The following PDE12 variants were observed in gnomAD, a reference collection of about 807,000 sequenced individuals.
PDE12 encodes 2',5'-phosphodiesterase 12.
Under a neutral mutation model 45.4 loss-of-function variants are expected in PDE12, and 26 were observed. The ratio of observed to expected loss-of-function variants is 0.57; its 90% CI spans 0.42 to 0.79. The LOEUF is 0.79. Among genes scored for constraint, PDE12 ranks in the 30% least tolerant of loss-of-function variants. The probability of loss-of-function intolerance (pLI) is 0.00; values close to 1 mark genes in which losing one functional copy is unlikely to be tolerated. For missense variants in PDE12, 668 were observed against 790.0 expected, an observed-to-expected ratio of 0.85 and a Z score of 1.85; for synonymous variants, 283 against 323.9, an observed-to-expected ratio of 0.87 and a Z score of 1.36.
the PDE12 span, among the ~76,000 whole-genome samples, chr3:57,613,900 CAAAAA>C: frequency 5.0e-5 from 3 of 59,452 alleles, no homozygotes; most frequent in African/African-American, 2.3e-4. Context: ...GACTCCATCT[CAAAAA>C]AAAAAAAAAA....
At chr3:57,573,432 TGCAAGGCCACTG>T in the PDE12 span, among the ~76,000 whole-genome samples, 1 of 152,182 alleles carries the variant, frequency 6.6e-6, no homozygotes, top group South Asian at 2.1e-4. Context: ...AGTTTAATGT[TGCAAGGCCACTG>T]CAGGTATACC....
the PDE12 span, among the ~76,000 whole-genome samples, chr3:57,601,509 C>G: frequency 3.3e-5 from 5 of 152,164 alleles, no homozygotes; most frequent in Non-Finnish European, 7.3e-5. Flanking sequence ...AGCAGACCCC[C>G]TGTATCTTCA....
chr3:57,614,523 G>A, the PDE12 span, among the ~76,000 whole-genome samples: 16 of 132,048 alleles, frequency 1.2e-4, no homozygotes, highest in South Asian at 3.2e-3. Flanking sequence ...CCTGTAATCC[G>A]TTTTTTTTTT....
chr3:57,648,283 T>C, the PDE12 span, among the ~76,000 whole-genome samples: 4 of 151,960 alleles, frequency 2.6e-5, no homozygotes, highest in African/African-American at 9.7e-5. Flanking sequence ...CTAAGGAATA[T>C]ACTTACTCAA....
the PDE12 span, chr3:57,630,603 C>T: frequency 6.6e-7 from 1 of 1,520,558 alleles, no homozygotes; most frequent in Non-Finnish European, 8.9e-7. Context: ...GTCAGAGAAC[C>T]ATGTCAAACT....
chr3:57,623,274 C>A, the PDE12 span, among the ~76,000 whole-genome samples: 1 of 151,882 alleles, frequency 6.6e-6, no homozygotes, highest in Non-Finnish European at 1.5e-5. Context: ...AACAAACAAA[C>A]AAAAAACTGA....
At chr3:57,647,812 T>G in the PDE12 span, among the ~76,000 whole-genome samples, 2 of 121,900 alleles carry the variant, frequency 1.6e-5, no homozygotes, top group African/African-American at 3.3e-5. Context: ...TGTGGTCTAG[T>G]GGGACAGAGT....
the PDE12 span, among the ~76,000 whole-genome samples, chr3:57,615,156 G>T: frequency 6.6e-6 from 1 of 151,810 alleles, no homozygotes; most frequent in Non-Finnish European, 1.5e-5. Context: ...CAGACAGCTC[G>T]CCCCCCTCGG....
the PDE12 span, among the ~76,000 whole-genome samples, chr3:57,596,017 A>G: frequency 6.6e-6 from 1 of 152,056 alleles, no homozygotes; most frequent in Admixed American, 6.6e-5. Context: ...TGAACCAACA[A>G]GTTTCAACGT....
At chr3:57,615,656 TAGCTG>T in the PDE12 span, among the ~76,000 whole-genome samples, 4 of 151,976 alleles carry the variant, frequency 2.6e-5, no homozygotes, top group Non-Finnish European at 4.4e-5. Flanking sequence ...ACTTAAAGGT[TAGCTG>T]GGCATGGTGG....
At chr3:57,587,307 G>A in the PDE12 span, among the ~76,000 whole-genome samples, 3 of 136,458 alleles carry the variant, frequency 2.2e-5, no homozygotes, top group African/African-American at 5.6e-5. Context: ...CAACAAGAGC[G>A]GAACTCAGTC....
At chr3:57,623,351 A>C in the PDE12 span, among the ~76,000 whole-genome samples, 2 of 151,448 alleles carry the variant, frequency 1.3e-5, no homozygotes, top group African/African-American at 4.9e-5. Flanking sequence ...AAATGAATGC[A>C]ATCATTTCAA....
the PDE12 span, among the ~76,000 whole-genome samples, chr3:57,576,137 T>C: frequency 5.3e-5 from 8 of 151,872 alleles, no homozygotes; most frequent in Non-Finnish European, 1.2e-4. Context: ...TCATGAAATA[T>C]ACAAAAAAAA....
Position 57,561,548 on chromosome 3 carries a change from T to C in PDE12, c.*1544T>C. 1 of 983,564 alleles carries C rather than the reference T, an allele frequency of 1.0e-6. No homozygotes were observed. Among genetic ancestry groups the C allele is most frequent in the Non-Finnish European group, 1.2e-6 (1 of 828,218 alleles). 60.9% of individuals were successfully genotyped at this position (983,564 alleles called of 1,614,324 possible). ...TAACCATGCTTTACTAATTCAGTTATGAAATACATTATTTATAATGCATTA... is the reference window on the plus strand; with the variant it reads ...TAACCATGCTTTACTAATTCAGTTACGAAATACATTATTTATAATGCATTA... On this transcript the variant is annotated 3_prime_UTR_variant, in exon 3 of 3. Transcript: ENST00000311180.
At chr3:57,577,430 ACT>A in the PDE12 span, 2 of 1,498,596 alleles carry the variant, frequency 1.3e-6, no homozygotes, top group Non-Finnish European at 1.9e-6. Context: ...GTTAAACGAC[ACT>A]CTCTATATGA....
At chr3:57,570,525 T>C (rs1172269978), downstream of PDE12, among the ~76,000 whole-genome samples, 3 of 152,088 alleles carry the variant, frequency 2.0e-5, no homozygotes, top group Admixed American at 6.6e-5. Flanking sequence ...GCCATTGTTA[T>C]TTATTTGACA....
chr3:57,626,384 A>C, the PDE12 span: 1 of 152,212 alleles, frequency 6.6e-6, no homozygotes, highest in Non-Finnish European at 1.5e-5. Flanking sequence ...ACAGCTATTA[A>C]CCACATGCTG....
the PDE12 span, among the ~76,000 whole-genome samples, chr3:57,653,859 T>C: frequency 2.6e-5 from 4 of 151,248 alleles, no homozygotes; most frequent in African/African-American, 9.7e-5. Flanking sequence ...CACATTTATA[T>C]TCCCATTCTG....
At chr3:57,608,248 G>T in the PDE12 span, among the ~76,000 whole-genome samples, 2 of 152,120 alleles carry the variant, frequency 1.3e-5, no homozygotes, top group Non-Finnish European at 2.9e-5. Context: ...CACTAAACAT[G>T]GAAAGGAACA....
Sources: gnomAD v4.1 joint callset for allele counts (sites outside exome capture counted in the v4.1 genomes callset) on GRCh38, gnomAD v4.1.1 for gene constraint, MANE v1.5 for transcripts, NCBI Gene and HGNC (gene_info 2026-07-23, HGNC 2026-07-21) for gene names.